The following PDRG1 variants were observed in gnomAD, a reference collection of about 807,000 sequenced individuals.
The protein encoded by PDRG1 is p53 and DNA damage-regulated protein 1.
In PDRG1, 14 loss-of-function variants were observed where a neutral mutation model predicts 18.4. The observed-to-expected ratio is 0.76, with a 90% CI of 0.50 to 1.19. PDRG1 has a LOEUF of 1.19. Ranked by LOEUF, PDRG1 falls within the 50% of genes most tolerant of loss-of-function variation. PDRG1 has a pLI of 0.00. For synonymous variants in PDRG1, 65 were observed against 60.9 expected (o/e 1.07, Z -0.31); for missense variants, 177 against 160.1 (o/e 1.11, Z -0.57).
chr20:31,951,996 A>G lies in PDRG1; in HGVS notation c.-35T>C. The G allele has an allele frequency of 6.7e-7, 1 of 1,501,636 alleles. No individual in the cohort carries two copies. Among genetic ancestry groups the G allele is most frequent in the Non-Finnish European group, 8.9e-7 (1 of 1,128,314 alleles). The allele number at this position is 1,501,636 out of a possible 1,614,324, so 93.0% of individuals were successfully genotyped here. A position where few individuals can be genotyped will look rare whatever the true frequency, so the allele number is the denominator to read the frequency against. ...CAACTCCGCTTGCGGCTCTCGCGCG[A>G]CCCCGGGATCTCCGCTTCGACTCCC... is the stretch of plus-strand genomic sequence containing the variant. On this transcript the variant is annotated 5_prime_UTR_variant, in exon 1 of 5. Transcript: ENST00000202017.
Position 31,945,697 on chromosome 20 carries a change from G to A in PDRG1, c.*110C>T, listed in dbSNP as rs888014459. 1.8e-5 allele frequency: 15 copies of A among 814,730 alleles called. No homozygotes were observed. Among genetic ancestry groups the A allele is most frequent in the African/African-American group, 1.4e-4 (8 of 57,482 alleles). 50.5% of individuals were successfully genotyped at this position (814,730 alleles called of 1,614,324 possible). A position where few individuals can be genotyped will look rare whatever the true frequency, so the allele number is the denominator to read the frequency against. On this transcript the variant is annotated 3_prime_UTR_variant, in exon 5 of 5. Coordinates refer to ENST00000202017, the MANE Select transcript of PDRG1 (RefSeq NM_030815.3). ...AGGTTTTCATGGCCAGATTCCTGACGGCTGGCCCCTTACAGGGCAGATCCT... is the reference window on the plus strand; with the variant it reads ...AGGTTTTCATGGCCAGATTCCTGACAGCTGGCCCCTTACAGGGCAGATCCT...
chr20:31,948,993 C>T (rs2064335413), intron 2 of PDRG1, 111 bp from the exon 3 acceptor site: 2 of 899,992 alleles, frequency 2.2e-6, no homozygotes, highest in African/African-American at 3.4e-5. Flanking sequence ...AGTTCCTGCC[C>T]TCTTGGAGCT....
At chr20:31,950,446 T>C in intron 1 of PDRG1, 59 bp from the exon 2 acceptor site, 1 of 1,318,734 alleles carries the variant, frequency 7.6e-7, no homozygotes, top group Non-Finnish European at 1.1e-6. Flanking sequence ...CTGTCACCTC[T>C]TGACAGACAA....
At position 31,945,757 on chromosome 20, in the gene PDRG1, TCCTCCATGAC is replaced by T. The variant is rs1207266605; in HGVS notation, c.*40_*49del. 1 of 1,468,972 alleles carries T rather than the reference TCCTCCATGAC, an allele frequency of 6.8e-7. No individual in the cohort carries two copies. Among genetic ancestry groups the T allele is most frequent in the Admixed American group, 1.7e-5 (1 of 58,642 alleles). The allele number at this position is 1,468,972 out of a possible 1,614,324, so 91.0% of individuals were successfully genotyped here. A position where few individuals can be genotyped will look rare whatever the true frequency, so the allele number is the denominator to read the frequency against. ...GGTGTCAAGGTTGGAGGGTCCTGGG[TCCTCCATGAC>T]CCTGGGGGGTTGCTGGTCCCCCATC... On this transcript the variant is annotated 3_prime_UTR_variant, in exon 5 of 5. Coordinates refer to ENST00000202017, the MANE Select transcript of PDRG1 (RefSeq NM_030815.3).
chr20:31,951,895 CCTCCTCGGCGAG>C lies in PDRG1; in HGVS notation c.55_66del (p.Leu19_Glu22del). On this transcript the variant is annotated inframe_deletion, in exon 1 of 5. Transcript: ENST00000202017. ...CTCACCTGCCGCTTGTCCGCCAGCACCTCCTCGGCGAGCTCCTCCACTTCTACAAGGTACCGC... is the reference window on the plus strand; with the variant it reads ...CTCACCTGCCGCTTGTCCGCCAGCACCTCCTCCACTTCTACAAGGTACCGC... The C allele has an allele frequency of 6.3e-7, 1 of 1,588,784 alleles. No individual in the cohort carries two copies. Among genetic ancestry groups the C allele is most frequent in the South Asian group, 1.1e-5 (1 of 87,278 alleles).
At chr20:31,949,375 C>T (rs1366934280) in intron 2 of PDRG1, among the ~76,000 whole-genome samples, 7 of 152,172 alleles carry the variant, frequency 4.6e-5, no homozygotes, top group African/African-American at 7.2e-5. Context: ...ACCTCGAGAC[C>T]GGCCTGGCCA....
rs1439827195 is a variant in PDRG1 at position 31,946,531 on chromosome 20, A to C, written c.284T>G (p.Leu95Arg). Residue 95 changes from leucine (L) to arginine (R), a missense_variant, in exon 4 of 5, where the codon CTT becomes CGT. By Grantham distance (102) the Leu-to-Arg change is moderately radical (BLOSUM62 -2). Transcript: ENST00000202017. The stretch of plus-strand genomic sequence containing the variant: ...AAAAAGGCGGTTGACCTTCACTTTA[A>C]GTTGCTTCCGCAGTTTTTCTATTTC... ...DKEIEKLRKQ[L>R]KVKVNRLFEA... 2.5e-6 allele frequency: 4 copies of C among 1,613,486 alleles called. No homozygotes were observed. The African/African-American group carries it at 5.3e-5, about 22-fold the overall frequency.
chr20:31,951,113 A>C (rs2064349056), intron 1 of PDRG1, among the ~76,000 whole-genome samples: 1 of 152,180 alleles, frequency 6.6e-6, no homozygotes, highest in African/African-American at 2.4e-5. Flanking sequence ...CCAGTACTTA[A>C]TTTGACAGGA....
chr20:31,945,920 G>A lies in PDRG1; in HGVS notation c.320-31C>T, dbSNP rs368467505. On this transcript the variant is annotated intron_variant, in intron 4 of 4. Coordinates refer to ENST00000202017, the MANE Select transcript of PDRG1 (RefSeq NM_030815.3). ...AGAGAAGATGATCCATCAGCACGTC[G>A]GGCCTCCTGCTGGCTCTGGAGCCAG... 3.0e-5 allele frequency: 48 copies of A among 1,580,004 alleles called. No individual in the cohort carries two copies. In the African/African-American group the frequency reaches 3.5e-4, roughly 12 times the overall value.
chr20:31,944,745 T>C lies in PDRG1; in HGVS notation c.*1062A>G, dbSNP rs1182964282. ...CTTGAAAACACGTAAGAACTGGCCA[T>C]GACAGCCTGTGTTTCTATGTAACTA... On this transcript the variant is annotated 3_prime_UTR_variant, in exon 5 of 5. Transcript: ENST00000202017. 2.6e-5 allele frequency: 4 copies of C among 152,172 alleles called. No homozygotes were observed. The highest frequency in any genetic ancestry group is 5.9e-5 in the Non-Finnish European group (4 of 68,038). The allele number at this position is 152,172 out of a possible 1,614,324, so 9.4% of individuals were successfully genotyped here. A position where few individuals can be genotyped will look rare whatever the true frequency, so the allele number is the denominator to read the frequency against.
chr20:31,949,574 A>G (rs763249988), intron 2 of PDRG1, among the ~76,000 whole-genome samples: 3 of 152,060 alleles, frequency 2.0e-5, no homozygotes, highest in African/African-American at 7.3e-5. Context: ...TCTGTCTCCA[A>G]ATAAATAAAT....
At position 31,948,801 on chromosome 20, in the gene PDRG1, G is replaced by A; in HGVS notation, c.238+7C>T. 1 of 1,612,924 alleles carries A rather than the reference G, an allele frequency of 6.2e-7. No homozygotes were observed. Among genetic ancestry groups the A allele is most frequent in the Non-Finnish European group, 8.5e-7 (1 of 1,179,310 alleles). On this transcript the variant is annotated splice_region_variant and intron_variant, in intron 3 of 4. Coordinates refer to ENST00000202017, the MANE Select transcript of PDRG1 (RefSeq NM_030815.3). ...CACACCCCTGACCCATCCCCAGGAG[G>A]CCTTACCTTTTTCAATCATTTCCTT...
rs934375171 is a variant in PDRG1, at chr20:31,946,668, C to T, written c.239-92G>A. The T allele has an allele frequency of 2.6e-5, 30 of 1,151,760 alleles. 1 individual carries two copies. Among genetic ancestry groups the T allele is most frequent in the Non-Finnish European group, 3.5e-5 (27 of 774,846 alleles). The allele number at this position is 1,151,760 out of a possible 1,614,324, so 71.3% of individuals were successfully genotyped here. ...GAGGCCAGCCTCTCCCCAGCAAGGGCGTGTAGCTTTCAGGAAGGAAAAGGG... is the reference window on the plus strand; with the variant it reads ...GAGGCCAGCCTCTCCCCAGCAAGGGTGTGTAGCTTTCAGGAAGGAAAAGGG... On this transcript the variant is annotated intron_variant, in intron 3 of 4. Transcript: ENST00000202017.
intron 2 of PDRG1, among the ~76,000 whole-genome samples, chr20:31,950,046 A>AC (rs1444896194): frequency 6.6e-5 from 10 of 151,830 alleles, no homozygotes; most frequent in Non-Finnish European, 1.3e-4. Flanking sequence ...AGTTTTATAC[A>AC]CCCCCGGCAC....
chr20:31,950,882 G>A (rs556304631), intron 1 of PDRG1, among the ~76,000 whole-genome samples: 22 of 152,254 alleles, frequency 1.4e-4, no homozygotes, highest in African/African-American at 4.6e-4. Context: ...TACTGCACGA[G>A]TGCTGGTTCT....
chr20:31,950,459 G>T, intron 1 of PDRG1, 72 bp from the exon 2 acceptor site: 3 of 1,162,738 alleles, frequency 2.6e-6, no homozygotes, highest in Non-Finnish European at 3.9e-6. Flanking sequence ...ACAGACAAGG[G>T]TTGCAGAGGC....
intron 2 of PDRG1, among the ~76,000 whole-genome samples, chr20:31,949,160 T>G (rs1432690820): frequency 6.6e-6 from 1 of 152,170 alleles, no homozygotes; most frequent in Non-Finnish European, 1.5e-5. Flanking sequence ...TTATATGCTA[T>G]CTACACAGAG....
At chr20:31,947,678 A>T (rs2064327393) in intron 3 of PDRG1, among the ~76,000 whole-genome samples, 1 of 152,220 alleles carries the variant, frequency 6.6e-6, no homozygotes, top group Admixed American at 6.5e-5. Context: ...GGATCACCTG[A>T]GGTCACTTAG....
In PDRG1 at chr20:31,946,516, T is replaced by A. The variant is rs200378363; in HGVS notation, c.299A>T (p.Asn100Ile). The change falls in exon 4 of 5, where the codon AAC (asparagine) becomes ATC (isoleucine). Residue 100 changes from asparagine (N) to isoleucine (I), a missense_variant. Asn to Ile is a moderately radical substitution (Grantham distance 149). Coordinates refer to ENST00000202017, the MANE Select transcript of PDRG1 (RefSeq NM_030815.3). Reference sequence around the variant, plus strand: ...AATACCTTGGGCCTCAAAAAGGCGGTTGACCTTCACTTTAAGTTGCTTCCG... The same window carrying A: ...AATACCTTGGGCCTCAAAAAGGCGGATGACCTTCACTTTAAGTTGCTTCCG... ...KLRKQLKVKV[N>I]RLFEAQGKPE... is the part of the protein sequence containing the mutation. 1.9e-6 allele frequency: 3 copies of A among 1,612,454 alleles called. No individual in the cohort carries two copies. In the African/African-American group the frequency reaches 4.0e-5, roughly 22 times the overall value.
Sources: allele counts gnomAD v4.1 joint callset (sites outside exome capture counted in the v4.1 genomes callset), GRCh38; gene constraint gnomAD v4.1.1; transcripts MANE v1.5; gene names NCBI Gene and HGNC (gene_info 2026-07-23, HGNC 2026-07-21).